ADCY8: variants seen among roughly 807,000 people sequenced by gnomAD.
ADCY8 encodes the protein adenylate cyclase 8.
In ADCY8, 51 loss-of-function variants were observed where a neutral mutation model predicts 119.7. The observed-to-expected ratio is 0.43, with a 90% CI of 0.34 to 0.54. The LOEUF is 0.54. Ranked by LOEUF, ADCY8 falls within the 20% of genes least tolerant of loss-of-function variation. ADCY8 has a pLI of 0.03. For synonymous variants in ADCY8, 665 were observed against 651.0 expected, an observed-to-expected ratio of 1.02 and a Z score of -0.33; for missense variants, 1,383 against 1,598.8, an observed-to-expected ratio of 0.87 and a Z score of 2.30.
At chr8:130,946,423 T>C (rs886715141) in intron 3 of ADCY8, among the ~76,000 whole-genome samples, 1 of 152,196 alleles carries the variant, frequency 6.6e-6, no homozygotes, top group Non-Finnish European at 1.5e-5. Flanking sequence ...CTCCCTGGTA[T>C]AGATTTTTCC....
chr8:130,876,440 T>C (rs1486222219), intron 8 of ADCY8, among the ~76,000 whole-genome samples: 1 of 131,306 alleles, frequency 7.6e-6, no homozygotes. Flanking sequence ...CTCAAGCTAA[T>C]CAGCCTTTTT....
rs753508496 is a variant in ADCY8, at chr8:130,990,429, C to G, written c.1074G>C (p.Glu358Asp). 1.2e-6 allele frequency: 2 copies of G among 1,614,212 alleles called. No individual in the cohort carries two copies. The highest frequency in any genetic ancestry group is 1.7e-6 in the Non-Finnish European group (2 of 1,180,024). The stretch of plus-strand genomic sequence containing the variant: ...TCTCTGTCTCCAGGCGCAGCCTGGC[C>G]TCCACACACCTCCGAGTCTCCAGGA... Reference protein sequence around the residue: ...QAFLETRRCVEARLRLETENQ... With the variant: ...QAFLETRRCVDARLRLETENQ... The change falls in exon 2 of 18, where the codon GAG becomes GAC. Residue 358 changes from glutamate (E) to aspartate (D), a missense_variant. By Grantham distance (45) the Glu-to-Asp change is conservative (BLOSUM62 2). Transcript: ENST00000286355.
chr8:130,879,240 A>T (rs1232532374), intron 8 of ADCY8, among the ~76,000 whole-genome samples: 2 of 152,232 alleles, frequency 1.3e-5, no homozygotes, highest in East Asian at 3.9e-4. Flanking sequence ...AAGATAAGTG[A>T]TCCCACAAAA....
chr8:130,908,288 A>C (rs1819856602), intron 6 of ADCY8, among the ~76,000 whole-genome samples: 1 of 152,250 alleles, frequency 6.6e-6, no homozygotes, highest in Non-Finnish European at 1.5e-5. Context: ...TTTAAGATAC[A>C]GGCCTGGAAA....
intron 6 of ADCY8, among the ~76,000 whole-genome samples, chr8:130,908,109 A>T (rs1313045026): frequency 6.6e-6 from 1 of 152,172 alleles, no homozygotes; most frequent in Non-Finnish European, 1.5e-5. Flanking sequence ...TTGCATGGTG[A>T]TGTGCTGATT....
At chr8:131,027,778 A>T (rs1439717504) in intron 1 of ADCY8, among the ~76,000 whole-genome samples, 1 of 152,118 alleles carries the variant, frequency 6.6e-6, no homozygotes, top group East Asian at 1.9e-4. Context: ...TGAGGGAGGG[A>T]TTTGATTATC....
At chr8:130,843,323 C>T (rs1227359278) in intron 11 of ADCY8, among the ~76,000 whole-genome samples, 1 of 152,148 alleles carries the variant, frequency 6.6e-6, no homozygotes, top group Non-Finnish European at 1.5e-5. Flanking sequence ...GTTCTTTTCC[C>T]ATGTCAGTTT....
intron 5 of ADCY8, among the ~76,000 whole-genome samples, chr8:130,918,955 G>T (rs1380872694): frequency 1.3e-5 from 2 of 152,216 alleles, no homozygotes; most frequent in Non-Finnish European, 2.9e-5. Context: ...CAGCTTCTCA[G>T]GAGTAGCTGA....
intron 9 of ADCY8, among the ~76,000 whole-genome samples, chr8:130,867,596 A>G (rs997187633): frequency 6.6e-6 from 1 of 152,148 alleles, no homozygotes; most frequent in African/African-American, 2.4e-5. Context: ...GTCAAATAAG[A>G]GTGGGGCCTA....
intron 14 of ADCY8, among the ~76,000 whole-genome samples, chr8:130,810,314 C>T (rs1329067716): frequency 6.6e-6 from 1 of 151,408 alleles, no homozygotes; most frequent in African/African-American, 2.4e-5. Flanking sequence ...CACCCTTTCA[C>T]ATATTGTATG....
intron 5 of ADCY8, among the ~76,000 whole-genome samples, chr8:130,930,282 C>T (rs1269238928): frequency 6.7e-6 from 1 of 149,126 alleles, no homozygotes; most frequent in East Asian, 2.0e-4. Context: ...GATGGAGTCT[C>T]GTTCTGTCAC....
At chr8:130,947,579 A>G (rs554109840) in intron 3 of ADCY8, among the ~76,000 whole-genome samples, 1 of 152,344 alleles carries the variant, frequency 6.6e-6, no homozygotes, top group East Asian at 1.9e-4. Context: ...TACAGGACAG[A>G]TGTAGTGATC....
intron 12 of ADCY8, among the ~76,000 whole-genome samples, chr8:130,835,991 G>A (rs1024213016): frequency 1.3e-5 from 2 of 152,036 alleles, no homozygotes; most frequent in Admixed American, 1.3e-4. Context: ...TACAAGTGTT[G>A]AAGCCACTAA....
intron 5 of ADCY8, among the ~76,000 whole-genome samples, chr8:130,935,698 G>A (rs1314610444): frequency 6.6e-6 from 1 of 152,204 alleles, no homozygotes; most frequent in African/African-American, 2.4e-5. Context: ...TTCATTTAGA[G>A]GCTGTACGCC....
intron 1 of ADCY8, among the ~76,000 whole-genome samples, chr8:131,004,994 G>A (rs1263125341): frequency 6.6e-6 from 1 of 152,066 alleles, no homozygotes; most frequent in Non-Finnish European, 1.5e-5. Flanking sequence ...TAACTTACTG[G>A]TGACCTATTA....
At chr8:130,951,577 G>T (rs1257507499) in intron 3 of ADCY8, among the ~76,000 whole-genome samples, 1 of 152,176 alleles carries the variant, frequency 6.6e-6, no homozygotes, top group Non-Finnish European at 1.5e-5. Flanking sequence ...TCTTATCATA[G>T]TCTAAAAGGT....
intron 8 of ADCY8, among the ~76,000 whole-genome samples, chr8:130,884,179 G>A (rs1419278201): frequency 6.6e-6 from 1 of 152,154 alleles, no homozygotes; most frequent in Non-Finnish European, 1.5e-5. Context: ...AAGTTATTGG[G>A]TGCCCTCATT....
chr8:130,781,531 GACTC>G (rs1815079359), intron 17 of ADCY8, among the ~76,000 whole-genome samples: 1 of 152,142 alleles, frequency 6.6e-6, no homozygotes, highest in Admixed American at 6.5e-5. Context: ...ATGATCCTTA[GACTC>G]ACAATCAATA....
chr8:130,832,454 A>G (rs539500339), intron 12 of ADCY8, among the ~76,000 whole-genome samples: 254 of 152,304 alleles, frequency 1.7e-3, no homozygotes, highest in Admixed American at 4.6e-3. Context: ...GTGAACTCCT[A>G]AAGTGTTGGT....
Sources: gnomAD v4.1 joint callset for allele counts (sites outside exome capture counted in the v4.1 genomes callset) on GRCh38, gnomAD v4.1.1 for gene constraint, MANE v1.5 for transcripts, NCBI Gene and HGNC (gene_info 2026-07-23, HGNC 2026-07-21) for gene names.